AK8: variants seen among roughly 807,000 people sequenced by gnomAD.
The protein encoded by AK8 is adenylate kinase 8, also known as ATP-AMP transphosphorylase 8.
AK8 carries 44 observed loss-of-function variants against 54.6 expected under a neutral mutation model. The ratio of observed to expected loss-of-function variants is 0.81; its 90% CI spans 0.63 to 1.04. AK8 has a LOEUF of 1.04. Ranked by LOEUF, AK8 falls within the 50% of genes least tolerant of loss-of-function variation. The pLI is 0.00. For synonymous variants in AK8, 239 were observed against 245.6 expected (o/e 0.97, Z 0.25); for missense variants, 555 against 613.6 (o/e 0.90, Z 1.01).
intron 5 of AK8, among the ~76,000 whole-genome samples, chr9:132,846,992 G>T (rs1030828742): frequency 5.3e-5 from 8 of 152,206 alleles, no homozygotes; most frequent in Non-Finnish European, 1.2e-4. Flanking sequence ...CTCCCGGGCC[G>T]AGATAGAGAG....
At chr9:132,797,218 C>G (rs1840215333) in intron 10 of AK8, among the ~76,000 whole-genome samples, 1 of 151,996 alleles carries the variant, frequency 6.6e-6, no homozygotes, top group African/African-American at 2.4e-5. Context: ...AGCAGGGATC[C>G]CCCCAGTAGG....
At chr9:132,844,379 G>T (rs904593410) in intron 5 of AK8, among the ~76,000 whole-genome samples, 1 of 151,358 alleles carries the variant, frequency 6.6e-6, no homozygotes, top group East Asian at 1.9e-4. Flanking sequence ...TTATGATTGC[G>T]TTATTTTTCC....
intron 10 of AK8, among the ~76,000 whole-genome samples, chr9:132,811,474 C>T (rs1156421116): frequency 6.6e-6 from 1 of 152,266 alleles, no homozygotes; most frequent in Non-Finnish European, 1.5e-5. Context: ...GGATGGCCCC[C>T]AGAAGCTGGA....
chr9:132,759,284 G>A (rs1838342685), intron 11 of AK8, among the ~76,000 whole-genome samples: 1 of 150,174 alleles, frequency 6.7e-6, no homozygotes, highest in Non-Finnish European at 1.5e-5. Context: ...TGATTTTTCT[G>A]CCCATTTTTA....
intron 11 of AK8, among the ~76,000 whole-genome samples, chr9:132,747,623 G>T (rs971433331): frequency 6.8e-6 from 1 of 146,056 alleles, no homozygotes; most frequent in African/African-American, 2.5e-5. Flanking sequence ...TAGAGAGGGG[G>T]TTTCATCATG....
intron 5 of AK8, among the ~76,000 whole-genome samples, chr9:132,850,607 A>C (rs1032599659): frequency 2.6e-5 from 4 of 152,134 alleles, no homozygotes; most frequent in African/African-American, 9.7e-5. Context: ...CATGTTGGCC[A>C]GGCTGGTCTC....
intron 10 of AK8, 42 bp from the exon 11 acceptor site, chr9:132,792,817 G>A (rs1318148111): frequency 2.0e-6 from 3 of 1,537,886 alleles, no homozygotes; most frequent in Non-Finnish European, 2.6e-6. Context: ...CTGGCCGGCA[G>A]CCCATGGGTC....
In AK8 at chr9:132,863,708, G is replaced by A; in HGVS notation, c.290C>T (p.Ser97Phe). The A allele has an allele frequency of 1.2e-6, 2 of 1,614,098 alleles. No homozygotes were observed. The highest frequency in any genetic ancestry group is 1.7e-6 in the Non-Finnish European group (2 of 1,179,992). The change falls in exon 4 of 13, where the codon TCC (serine) becomes TTC (phenylalanine). Residue 97 changes from serine (S) to phenylalanine (F), a missense_variant. Coordinates refer to ENST00000298545, the MANE Select transcript of AK8 (RefSeq NM_152572.3). ...CCTTCTGGCTTCGGTGGCCGTATAG[G>A]AAAACTCATTTAAGATCAGGTTCTC... ...TLENLILNEF[S>F]YTATEARRLY...
chr9:132,821,752 CAAAT>C (rs1316950691), intron 9 of AK8, among the ~76,000 whole-genome samples: 19 of 83,082 alleles, frequency 2.3e-4, no homozygotes, highest in South Asian at 2.2e-3. Flanking sequence ...TATGTATATA[CAAAT>C]ATATACATAT....
At chr9:132,870,030 C>A (rs548348315) in intron 2 of AK8, among the ~76,000 whole-genome samples, 4 of 152,208 alleles carry the variant, frequency 2.6e-5, no homozygotes, top group East Asian at 3.9e-4. Context: ...GGGCTCAGGG[C>A]GCCCAGAGCC....
chr9:132,837,501 T>G lies in AK8; in HGVS notation c.403-8775A>C, dbSNP rs1025772553. On this transcript the variant is annotated intron_variant, in intron 5 of 12. Transcript: ENST00000298545. This position sits in a 1 kb window ranked among gnomAD's most constrained non-coding sequence, Gnocchi z 4.3. Reference sequence around the variant, plus strand: ...TGGGTCCAGTCCCGTTCCCATCATCTCCGTGCCTCTCAATACTCTCTCCTG... The same window carrying G: ...TGGGTCCAGTCCCGTTCCCATCATCGCCGTGCCTCTCAATACTCTCTCCTG... 2.6e-5 allele frequency among the ~76,000 whole-genome samples: 4 copies of G among 152,088 alleles called. No homozygotes were observed. Among genetic ancestry groups the G allele is most frequent in the Non-Finnish European group, 4.4e-5 (3 of 67,984 alleles).
intron 3 of AK8, 109 bp from the exon 4 acceptor site, chr9:132,863,887 T>A: frequency 2.4e-6 from 2 of 832,432 alleles, no homozygotes; most frequent in Non-Finnish European, 3.8e-6. Context: ...AGGTTGGCCA[T>A]GGGGAAGCAC....
chr9:132,852,799 A>G (rs1475001451), intron 5 of AK8, among the ~76,000 whole-genome samples: 2 of 149,414 alleles, frequency 1.3e-5, no homozygotes, highest in Non-Finnish European at 3.0e-5. Flanking sequence ...AAAAAAAGAA[A>G]GAAAGAAAAA....
At chr9:132,754,914 C>T (rs2131030450) in intron 11 of AK8, among the ~76,000 whole-genome samples, 2 of 152,124 alleles carry the variant, frequency 1.3e-5, no homozygotes, top group South Asian at 4.2e-4. Context: ...CTTTTCCTGC[C>T]TCAGCCTCCC....
intron 5 of AK8, among the ~76,000 whole-genome samples, chr9:132,840,841 C>T (rs928455096): frequency 3.3e-5 from 5 of 151,974 alleles, no homozygotes; most frequent in Non-Finnish European, 5.9e-5. Context: ...TGCAGTGAGC[C>T]GAGATCGCGC....
intron 11 of AK8, among the ~76,000 whole-genome samples, chr9:132,772,349 G>A (rs1407981462): frequency 5.9e-5 from 9 of 152,206 alleles, no homozygotes; most frequent in African/African-American, 1.9e-4. Context: ...GAAGGTGACT[G>A]TATTTGAACA....
intron 11 of AK8, among the ~76,000 whole-genome samples, chr9:132,767,742 T>C (rs1305758649): frequency 2.0e-5 from 3 of 152,174 alleles, no homozygotes; most frequent in African/African-American, 7.2e-5. Context: ...AAAGAAAATG[T>C]GGTATATATA....
intron 10 of AK8, among the ~76,000 whole-genome samples, chr9:132,801,891 G>A (rs1588146157): frequency 6.6e-6 from 1 of 152,338 alleles, no homozygotes; most frequent in Non-Finnish European, 1.5e-5. Context: ...TGGCCATACA[G>A]CTCACAGGTA....
At position 132,828,038 on chromosome 9, in the gene AK8, C is replaced by T; in HGVS notation, c.531G>A (p.Gly177=). 6.4e-7 allele frequency: 1 copy of T among 1,569,972 alleles called. No individual in the cohort carries two copies. The highest frequency in any genetic ancestry group is 8.6e-7 in the Non-Finnish European group (1 of 1,156,246). ...PDTVLIERNL[G]KRIDPQTGEI... ...CTCCAGTTTGAGGGTCGATTCTCTT[C>T]CCCAAGTTTCTCTCGATCAGGACCG... Residue 177 remains glycine (G), a synonymous_variant, in exon 7 of 13, where the codon GGG becomes GGA. Transcript: ENST00000298545.
Sources: gnomAD v4.1 joint callset for allele counts (sites outside exome capture counted in the v4.1 genomes callset) on GRCh38, gnomAD v4.1.1 for gene constraint, Gnocchi (gnomAD v3.1) non-coding constraint, MANE v1.5 for transcripts, NCBI Gene and HGNC (gene_info 2026-07-23, HGNC 2026-07-21) for gene names.